The following PCDHA5 variants were observed in gnomAD, a reference collection of about 807,000 sequenced individuals.
PCDHA5 encodes protocadherin alpha 5, also known as protocadherin alpha-5.
Under a neutral mutation model 61.6 loss-of-function variants are expected in PCDHA5, and 43 were observed. That is an observed-to-expected ratio of 0.70 (90% confidence interval 0.55 to 0.90). The LOEUF is 0.90. Ranked by LOEUF, PCDHA5 falls within the 40% of genes least tolerant of loss-of-function variation. The probability of loss-of-function intolerance (pLI) is 0.00; values close to 1 mark genes in which losing one functional copy is unlikely to be tolerated. For missense variants in PCDHA5, 1,298 were observed against 1,222.7 expected, an observed-to-expected ratio of 1.06 and a Z score of -0.92; for synonymous variants, 627 against 543.9, an observed-to-expected ratio of 1.15 and a Z score of -2.13.
intron 3 of PCDHA5, among the ~76,000 whole-genome samples, chr5:140,985,438 C>T (rs1438547429): frequency 2.0e-5 from 3 of 152,038 alleles, no homozygotes; most frequent in Non-Finnish European, 2.9e-5. Flanking sequence ...TTAGTTGCTG[C>T]CTGAAGAAAA....
At chr5:140,988,093 G>C (rs17119334) in intron 3 of PCDHA5, among the ~76,000 whole-genome samples, 1 of 152,036 alleles carries the variant, frequency 6.6e-6, no homozygotes, top group Non-Finnish European at 1.5e-5. Flanking sequence ...GTGCAGCCTC[G>C]GGCCTTGTTG....
intron 1 of PCDHA5, chr5:140,927,582 G>C (rs1554204771): frequency 1.2e-6 from 2 of 1,614,174 alleles, no homozygotes; most frequent in Non-Finnish European, 8.5e-7. Context: ...ATGACAACGC[G>C]CCTGTATTTG....
chr5:140,914,073 C>T (rs1314205032), intron 1 of PCDHA5, among the ~76,000 whole-genome samples: 2 of 152,120 alleles, frequency 1.3e-5, no homozygotes, highest in Non-Finnish European at 2.9e-5. Flanking sequence ...TGCTCCATAA[C>T]TATCTATTAG....
At chr5:140,828,782 A>T (rs2150158879) in intron 1 of PCDHA5, 14 of 1,614,250 alleles carry the variant, frequency 8.7e-6, no homozygotes, top group Non-Finnish European at 7.6e-6. Flanking sequence ...GCTGCTGGTC[A>T]CAGTGCTGGA....
Position 140,870,321 on chromosome 5 carries a change from G to C in PCDHA5, c.2352+46194G>C, listed in dbSNP as rs1554164064. The C allele has an allele frequency of 1.9e-6, 3 of 1,614,222 alleles. No individual in the cohort carries two copies. In the Admixed American group the frequency reaches 5.0e-5, roughly 27 times the overall value. On this transcript the variant is annotated intron_variant, in intron 1 of 3. Transcript: ENST00000529859. Reference sequence around the variant, plus strand: ...CCACCTTCAAGAATTACTACTCGTTGGTGCTGGACAGCGCCCTGGACCGCG... The same window carrying C: ...CCACCTTCAAGAATTACTACTCGTTCGTGCTGGACAGCGCCCTGGACCGCG...
chr5:140,925,082 A>AAAGG (rs138596875), intron 1 of PCDHA5, among the ~76,000 whole-genome samples: 24,812 of 147,244 alleles, frequency 0.17, 2,350 homozygotes, highest in African/African-American at 0.25. Context: ...GCTCATCTGG[A>AAAGG]AAGGAAGGAA....
intron 1 of PCDHA5, chr5:140,875,402 C>A: frequency 6.7e-7 from 1 of 1,488,874 alleles, no homozygotes; most frequent in Admixed American, 2.6e-5. Flanking sequence ...AGGGTGACTG[C>A]TCATAAAATA....
rs2150353196 is a variant in PCDHA5 at position 140,843,120 on chromosome 5, A to G, written c.2352+18993A>G. The G allele has an allele frequency of 2.5e-6, 4 of 1,595,472 alleles. 1 individual carries two copies. Among genetic ancestry groups the G allele is most frequent in the Non-Finnish European group, 3.4e-6 (4 of 1,165,480 alleles). Reference sequence around the variant, plus strand: ...GCGAAGGTGCGCGCAGTGGACGCCGACTCGGGCTACAACGCGTGGCTTTCG... The same window carrying G: ...GCGAAGGTGCGCGCAGTGGACGCCGGCTCGGGCTACAACGCGTGGCTTTCG... On this transcript the variant is annotated intron_variant, in intron 1 of 3. Coordinates refer to ENST00000529859, the MANE Select transcript of PCDHA5 (RefSeq NM_018908.3).
chr5:140,929,279 T>C (rs368682683), intron 1 of PCDHA5: 1 of 1,603,874 alleles, frequency 6.2e-7, no homozygotes, highest in Non-Finnish European at 8.5e-7. Context: ...ATATCCTGTA[T>C]TCAGATTCGG....
At chr5:140,929,249 G>C (rs1212088369) in intron 1 of PCDHA5, 14 of 1,613,366 alleles carry the variant, frequency 8.7e-6, no homozygotes, top group Non-Finnish European at 1.2e-5. Flanking sequence ...CTTGCCACTG[G>C]GGTAGGACTG....
intron 1 of PCDHA5, among the ~76,000 whole-genome samples, chr5:140,897,650 C>T (rs1293190913): frequency 3.3e-5 from 5 of 152,036 alleles, no homozygotes; most frequent in Non-Finnish European, 7.4e-5. Context: ...AATAAACATA[C>T]GTGTGCATGT....
chr5:140,883,071 A>T, intron 1 of PCDHA5: 1 of 1,614,116 alleles, frequency 6.2e-7, no homozygotes, highest in Non-Finnish European at 8.5e-7. Context: ...AATGCCACAG[A>T]TCCTGATGAT....
At chr5:140,826,562 A>G (rs2150144174) in intron 1 of PCDHA5, among the ~76,000 whole-genome samples, 15 of 152,154 alleles carry the variant, frequency 9.9e-5, no homozygotes, top group Non-Finnish European at 1.8e-4. Context: ...CCTTTGAAGG[A>G]GGGGTTTAAT....
intron 1 of PCDHA5, chr5:140,863,340 G>T: frequency 7.4e-7 from 1 of 1,360,462 alleles, no homozygotes. Flanking sequence ...TCACGTTGCT[G>T]CTGTACACGA....
In PCDHA5 at chr5:140,835,884, G is replaced by A. The variant is rs2150247452; in HGVS notation, c.2352+11757G>A. 3.7e-6 allele frequency: 6 copies of A among 1,611,966 alleles called. 1 individual carries two copies. The highest frequency in any genetic ancestry group is 2.2e-5 in the East Asian group (1 of 44,824). ...CTCGCTGGTGGAGCTGCGGGTGGGCGAGCGCGCGCTGTCGAGCTACGTGTC... is the reference window on the plus strand; with the variant it reads ...CTCGCTGGTGGAGCTGCGGGTGGGCAAGCGCGCGCTGTCGAGCTACGTGTC... On this transcript the variant is annotated intron_variant, in intron 1 of 3. Coordinates refer to ENST00000529859, the MANE Select transcript of PCDHA5 (RefSeq NM_018908.3).
intron 1 of PCDHA5, chr5:140,864,514 A>ATTTTACTTCTTAATT (rs2048501242): frequency 6.6e-6 from 1 of 152,082 alleles, no homozygotes; most frequent in African/African-American, 2.4e-5. Context: ...TTTAAAGGTG[A>ATTTTACTTCTTAATT]TTTTACTTCT....
At chr5:140,881,046 T>C (rs1554171694) in intron 1 of PCDHA5, among the ~76,000 whole-genome samples, 1 of 152,238 alleles carries the variant, frequency 6.6e-6, no homozygotes, top group African/African-American at 2.4e-5. Context: ...TATAGAGTTG[T>C]GCACAGAACA....
At chr5:140,858,788 T>C (rs528259521) in intron 1 of PCDHA5, 5 of 390,400 alleles carry the variant, frequency 1.3e-5, no homozygotes, top group Middle Eastern at 1.4e-3. Flanking sequence ...TCATGTTATT[T>C]CATTTCCAAT....
chr5:140,850,493 G>T, intron 1 of PCDHA5: 4 of 1,598,102 alleles, frequency 2.5e-6, no homozygotes, highest in African/African-American at 1.3e-5. Flanking sequence ...CCACTGTGCT[G>T]GTGTCGCTGG....
Sources: gnomAD v4.1 joint callset for allele counts (sites outside exome capture counted in the v4.1 genomes callset) on GRCh38, gnomAD v4.1.1 for gene constraint, MANE v1.5 for transcripts, NCBI Gene and HGNC (gene_info 2026-07-23, HGNC 2026-07-21) for gene names.